Variants in S100PBP observed in about 807,000 individuals in gnomAD.
S100PBP encodes S100P binding protein, also known as S100P-binding protein.
A neutral mutation model predicts 39.9 loss-of-function variants in S100PBP; 15 were observed. That is an observed-to-expected ratio of 0.38 (90% CI 0.25 to 0.58). The LOEUF is 0.58. Ranked by LOEUF, S100PBP falls within the 20% of genes least tolerant of loss-of-function variation. S100PBP has a pLI of 0.70. For missense variants in S100PBP, 504 were observed against 487.3 expected (o/e 1.03, Z -0.32); for synonymous variants, 178 against 180.3 (o/e 0.99, Z 0.10).
Position 32,826,804 on chromosome 1 carries a change from G to C in S100PBP, c.705G>C (p.Thr235=), listed in dbSNP as rs1401380277. 12 of 1,613,942 alleles carry C rather than the reference G, an allele frequency of 7.4e-6. No homozygotes were observed. The highest frequency in any genetic ancestry group is 1.0e-5 in the Non-Finnish European group (12 of 1,179,874). The change falls in exon 3 of 7, where the codon ACG becomes ACC. Residue 235 remains threonine (T), a synonymous_variant. Transcript: ENST00000373475. ...DKNMPDSENP[T]SVFSRISDHS... The stretch of plus-strand genomic sequence containing the variant: ...ATATGCCTGACAGTGAGAACCCTAC[G>C]TCTGTATTCTCTCGGATCTCAGACC...
At chr1:32,844,889 C>G (rs1216704628) in intron 5 of S100PBP, among the ~76,000 whole-genome samples, 1 of 151,366 alleles carries the variant, frequency 6.6e-6, no homozygotes, top group Non-Finnish European at 1.5e-5. Context: ...AGTGCAGTGG[C>G]GTGATCTCGG....
chr1:32,854,205 A>G (rs1402613891), intron 6 of S100PBP, among the ~76,000 whole-genome samples: 1 of 152,156 alleles, frequency 6.6e-6, no homozygotes, highest in Non-Finnish European at 1.5e-5. Context: ...CTTGGTATTC[A>G]TGAGGGATTA....
At chr1:32,836,533 A>G (rs774223843) in intron 5 of S100PBP, 32 of 980,932 alleles carry the variant, frequency 3.3e-5, no homozygotes, top group Non-Finnish European at 3.8e-5. Flanking sequence ...TGTTCACTGA[A>G]AAGCCAAGTA....
Position 32,838,333 on chromosome 1 carries a change from C to CAA in S100PBP, c.1024+8285_1024+8286dup, listed in dbSNP as rs770251816. On this transcript the variant is annotated intron_variant, in intron 5 of 6. Coordinates refer to ENST00000373475, the MANE Select transcript of S100PBP (RefSeq NM_022753.4). Reference sequence around the variant, plus strand: ...TGGGCGAAAGAGCGAGACTCTGTCTCAAAAAAAAAAAAAAAAAAAAGAAAA... The same window carrying CAA: ...TGGGCGAAAGAGCGAGACTCTGTCTCAAAAAAAAAAAAAAAAAAAAAAGAAAA... Among the ~76,000 whole-genome samples the CAA allele has an allele frequency of 5.2e-3, 354 of 67,730 alleles. 5 individuals carry two copies. The highest frequency in any genetic ancestry group is 8.2e-3 in the Non-Finnish European group (292 of 35,478). 44.4% of individuals were successfully genotyped at this position (67,730 alleles called of 152,430 possible). A position where few individuals can be genotyped will look rare whatever the true frequency, so the allele number is the denominator to read the frequency against.
At chr1:32,852,206 A>C (rs1640638090) in intron 5 of S100PBP, among the ~76,000 whole-genome samples, 2 of 152,074 alleles carry the variant, frequency 1.3e-5, no homozygotes, top group African/African-American at 4.8e-5. Flanking sequence ...CCAGCTACCC[A>C]GGAGGCTGAG....
intron 5 of S100PBP, among the ~76,000 whole-genome samples, chr1:32,830,571 A>T (rs1639551132): frequency 6.6e-6 from 1 of 152,228 alleles, no homozygotes; most frequent in South Asian, 2.1e-4. Flanking sequence ...ACTTCATTAG[A>T]AGATATTGCA....
At chr1:32,816,937 C>A (rs2148620585), upstream of S100PBP, 1 of 599,392 alleles carries the variant, frequency 1.7e-6, no homozygotes, top group South Asian at 2.0e-5. Context: ...AATGGGAGTC[C>A]TGGATTCAAA....
intron 6 of S100PBP, among the ~76,000 whole-genome samples, chr1:32,855,052 G>C (rs1043537991): frequency 2.6e-5 from 4 of 152,130 alleles, no homozygotes; most frequent in African/African-American, 9.7e-5. Context: ...GGTATTTAAA[G>C]AATTCAGCAA....
chr1:32,844,624 C>T (rs1305248728), intron 5 of S100PBP, among the ~76,000 whole-genome samples: 1 of 151,980 alleles, frequency 6.6e-6, no homozygotes, highest in African/African-American at 2.4e-5. Context: ...GCACGTGCCA[C>T]TATGCCTAGC....
At position 32,828,130 on chromosome 1, in the gene S100PBP, A is replaced by G. The variant is rs370435558; in HGVS notation, c.920+49A>G. 6.0e-6 allele frequency: 8 copies of G among 1,333,954 alleles called. No individual in the cohort carries two copies. The South Asian group carries it at 6.2e-5, about 10-fold the overall frequency. 82.6% of individuals were successfully genotyped at this position (1,333,954 alleles called of 1,614,324 possible). A position where few individuals can be genotyped will look rare whatever the true frequency, so the allele number is the denominator to read the frequency against. On this transcript the variant is annotated intron_variant, in intron 4 of 6. Transcript: ENST00000373475. ...TTCTGATTTATTTTGGTTCTCTTCA[A>G]TTTCTTTCTTCCCCTCTCCAGTTTC...
chr1:32,828,109 G>T, intron 4 of S100PBP, 28 bp downstream of exon 4: 1 of 1,459,608 alleles, frequency 6.9e-7, no homozygotes, highest in South Asian at 1.2e-5. Context: ...TAAATATTCT[G>T]ATTTATTTTG....
Position 32,856,074 on chromosome 1 carries a change from C to G in S100PBP, c.*36C>G. 7.5e-7 allele frequency: 1 copy of G among 1,333,478 alleles called. No homozygotes were observed. Among genetic ancestry groups the G allele is most frequent in the Non-Finnish European group, 1.1e-6 (1 of 926,330 alleles). 82.6% of individuals were successfully genotyped at this position (1,333,478 alleles called of 1,614,324 possible). A position where few individuals can be genotyped will look rare whatever the true frequency, so the allele number is the denominator to read the frequency against. On this transcript the variant is annotated 3_prime_UTR_variant, in exon 7 of 7. Coordinates refer to ENST00000373475, the MANE Select transcript of S100PBP (RefSeq NM_022753.4). ...CCCATCAGCAATGAAGGTCCCTATC[C>G]AGGGTCCTGCTTGGAGCAGCATTTC... is the stretch of plus-strand genomic sequence containing the variant.
intron 6 of S100PBP, among the ~76,000 whole-genome samples, chr1:32,853,871 C>A (rs1382604321): frequency 6.6e-6 from 1 of 152,160 alleles, no homozygotes; most frequent in Non-Finnish European, 1.5e-5. Context: ...CCAGCCTGGG[C>A]AACAGGGCGA....
chr1:32,844,854 ACT>A (rs1471226220), intron 5 of S100PBP, among the ~76,000 whole-genome samples: 1 of 149,784 alleles, frequency 6.7e-6, no homozygotes, highest in Non-Finnish European at 1.5e-5. Context: ...TTTGAGATGG[ACT>A]CTCGCTCTGT....
At position 32,826,726 on chromosome 1, in the gene S100PBP, G is replaced by C. The variant is rs1389294461; in HGVS notation, c.627G>C (p.Gly209=). 2 of 1,614,052 alleles carry C rather than the reference G, an allele frequency of 1.2e-6. No homozygotes were observed. The highest frequency in any genetic ancestry group is 8.5e-7 in the Non-Finnish European group (1 of 1,179,990). ...GISPNNSAWN[G]PQLSSSNNNF... is the part of the protein sequence containing the mutation. ...GCCCCAATAACTCTGCCTGGAATGGGCCCCAGCTCTCTTCTTCAAACAATA... is the reference window on the plus strand; with the variant it reads ...GCCCCAATAACTCTGCCTGGAATGGCCCCCAGCTCTCTTCTTCAAACAATA... Residue 209 remains glycine, a synonymous_variant, in exon 3 of 7, where the codon GGG becomes GGC. Coordinates refer to ENST00000373475, the MANE Select transcript of S100PBP (RefSeq NM_022753.4).
chr1:32,831,497 A>G (rs1263583635), intron 5 of S100PBP, among the ~76,000 whole-genome samples: 1 of 151,840 alleles, frequency 6.6e-6, no homozygotes, highest in Non-Finnish European at 1.5e-5. Flanking sequence ...ACAAATCTTG[A>G]ATTATGTAGT....
chr1:32,844,822 T>G (rs980178542), intron 5 of S100PBP, among the ~76,000 whole-genome samples: 1 of 151,410 alleles, frequency 6.6e-6, no homozygotes, highest in Non-Finnish European at 1.5e-5. Context: ...TATCTCTATA[T>G]ATCTATATAT....
Position 32,845,163 on chromosome 1 carries a change from T to C in S100PBP, c.1025-7916T>C, listed in dbSNP as rs190334804. ...CGTCAGCCTCCTGAGTAGCTGGGAC[T>C]ACAGGCGCCCGCCACCTCACCCGGC... On this transcript the variant is annotated intron_variant, in intron 5 of 6. Transcript: ENST00000373475. Among the ~76,000 whole-genome samples, 1,380 of 152,248 alleles carry C rather than the reference T, an allele frequency of 9.1e-3. 11 individuals carry two copies. The highest frequency in any genetic ancestry group is 0.013 in the Non-Finnish European group (897 of 67,992).
chr1:32,819,072 GATAAAA>G (rs1477155120), intron 1 of S100PBP, among the ~76,000 whole-genome samples: 2 of 152,012 alleles, frequency 1.3e-5, no homozygotes, highest in African/African-American at 4.8e-5. Flanking sequence ...TCTGAGGTGA[GATAAAA>G]ATAGAAAGGG....
Sources: gnomAD v4.1 joint callset for allele counts (sites outside exome capture counted in the v4.1 genomes callset) on GRCh38, gnomAD v4.1.1 for gene constraint, MANE v1.5 for transcripts, NCBI Gene and HGNC (gene_info 2026-07-23, HGNC 2026-07-21) for gene names.